ZAP70: variants seen among roughly 807,000 people sequenced by gnomAD.
The protein encoded by ZAP70 is tyrosine-protein kinase ZAP-70.
ZAP70 carries 27 observed loss-of-function variants against 65.8 expected under a neutral mutation model. That is an observed-to-expected ratio of 0.41 (90% CI 0.30 to 0.57). ZAP70 has a LOEUF of 0.57. Ranked by LOEUF, ZAP70 falls within the 20% of genes least tolerant of loss-of-function variation. The probability of loss-of-function intolerance (pLI) is 0.28; values close to 1 mark genes in which losing one functional copy is unlikely to be tolerated. For missense variants in ZAP70, 696 were observed against 870.5 expected (o/e 0.80, Z 2.52); for synonymous variants, 363 against 360.8 (o/e 1.01, Z -0.07).
At chr2:97,740,617 C>G (rs1466145941), downstream of ZAP70, among the ~76,000 whole-genome samples, 2 of 152,186 alleles carry the variant, frequency 1.3e-5, no homozygotes, top group Admixed American at 1.3e-4. Context: ...ATTGGGAACG[C>G]TAACAGACCC....
intron 3 of ZAP70, 36 bp from the exon 4 acceptor site, chr2:97,725,056 C>A: frequency 6.2e-7 from 1 of 1,612,172 alleles, no homozygotes; most frequent in Non-Finnish European, 8.5e-7. Flanking sequence ...GAGCACTTGG[C>A]CACACCTACA....
chr2:97,724,624 G>A (rs1238153412), intron 3 of ZAP70, 186 bp downstream of exon 3: 1 of 1,533,342 alleles, frequency 6.5e-7, no homozygotes. Context: ...GGGCTCCGTG[G>A]TGGCGGTCGC....
chr2:97,756,170 A>AACAC, the ZAP70 span, among the ~76,000 whole-genome samples: 3 of 151,840 alleles, frequency 2.0e-5, no homozygotes, highest in Admixed American at 2.0e-4. Flanking sequence ...TTGCCATGGG[A>AACAC]ACACACAGAA....
chr2:97,750,480 CTGTT>C, the ZAP70 span, among the ~76,000 whole-genome samples: 1 of 152,168 alleles, frequency 6.6e-6, no homozygotes, highest in Non-Finnish European at 1.5e-5. Flanking sequence ...TTTTTCCTGT[CTGTT>C]GTAAAGCGAG....
rs779549199 is a variant in ZAP70, at chr2:97,737,457, T to C, written c.1290-16T>C. The C allele has an allele frequency of 9.9e-6, 16 of 1,613,774 alleles. No individual in the cohort carries two copies. The African/African-American group carries it at 2.1e-4, about 22-fold the overall frequency. ...TAGTCTTCTCCCAGCTGACCCCGCCTTCCCCGCCACCCCAGGGAGGAGATC... is the reference window on the plus strand; with the variant it reads ...TAGTCTTCTCCCAGCTGACCCCGCCCTCCCCGCCACCCCAGGGAGGAGATC... On this transcript the variant is annotated splice_polypyrimidine_tract_variant and intron_variant, in intron 10 of 13. Coordinates refer to ENST00000264972, the MANE Select transcript of ZAP70 (RefSeq NM_001079.4). The surrounding 1 kb of genome is among the most constrained non-coding windows in gnomAD (Gnocchi z 5.0).
chr2:97,738,179 C>CA lies in ZAP70; in HGVS notation c.1736+74dup, dbSNP rs1247017746. 3.6e-6 allele frequency: 5 copies of CA among 1,378,840 alleles called. No individual in the cohort carries two copies. The African/African-American group carries it at 5.7e-5, about 16-fold the overall frequency. The allele number at this position is 1,378,840 out of a possible 1,614,324, so 85.4% of individuals were successfully genotyped here. ...GTCCTGGTGCCCGATGAGTTGATGT[C>CA]AATATAACTCTACCCAATGTCATCT... On this transcript the variant is annotated intron_variant, in intron 13 of 13. Transcript: ENST00000264972.
At chr2:97,716,272 G>A (rs980058380) in intron 2 of ZAP70, among the ~76,000 whole-genome samples, 32 of 152,170 alleles carry the variant, frequency 2.1e-4, no homozygotes, top group African/African-American at 7.5e-4. Context: ...GGTTCCACCG[G>A]TGCTCAGAGG....
chr2:97,721,847 C>A (rs1014278146), intron 2 of ZAP70, among the ~76,000 whole-genome samples: 1 of 151,342 alleles, frequency 6.6e-6, no homozygotes, highest in Non-Finnish European at 1.5e-5. Flanking sequence ...GTGGCAGTGG[C>A]GCGATCTCAG....
intron 4 of ZAP70, among the ~76,000 whole-genome samples, chr2:97,728,621 T>C (rs986711698): frequency 2.0e-5 from 3 of 152,228 alleles, no homozygotes; most frequent in Non-Finnish European, 4.4e-5. Flanking sequence ...GAAGAACAGA[T>C]TTAATTGTAC....
downstream of ZAP70, among the ~76,000 whole-genome samples, chr2:97,742,175 C>G (rs1678147697): frequency 6.6e-6 from 1 of 152,184 alleles, no homozygotes; most frequent in African/African-American, 2.4e-5. Flanking sequence ...TCAGTAACAT[C>G]CTCTTTGTTT....
intron 4 of ZAP70, among the ~76,000 whole-genome samples, chr2:97,730,651 C>T (rs1295871935): frequency 1.3e-5 from 2 of 152,084 alleles, no homozygotes; most frequent in African/African-American, 4.8e-5. Context: ...AGGAGGAGGC[C>T]CCACCTATTG....
chr2:97,754,989 G>A, the ZAP70 span, among the ~76,000 whole-genome samples: 1 of 152,188 alleles, frequency 6.6e-6, no homozygotes, highest in Non-Finnish European at 1.5e-5. Context: ...GCAGAGAAAA[G>A]GTCAGGTTCA....
At chr2:97,726,594 AC>A (rs1280553052) in intron 4 of ZAP70, among the ~76,000 whole-genome samples, 1 of 152,328 alleles carries the variant, frequency 6.6e-6, no homozygotes, top group Admixed American at 6.5e-5. Flanking sequence ...GATTTTCCTC[AC>A]CCATGTGAAG....
At chr2:97,727,622 A>C (rs1173222759) in intron 4 of ZAP70, among the ~76,000 whole-genome samples, 2 of 152,212 alleles carry the variant, frequency 1.3e-5, no homozygotes, top group Admixed American at 6.5e-5. Context: ...AGAAGGCTCT[A>C]AACCCTTCCT....
At chr2:97,742,755 C>T (rs555505591), downstream of ZAP70, among the ~76,000 whole-genome samples, 2 of 152,330 alleles carry the variant, frequency 1.3e-5, no homozygotes, top group African/African-American at 4.8e-5. Context: ...ATTCTCAAAA[C>T]ATCTGCCTGG....
intron 2 of ZAP70, among the ~76,000 whole-genome samples, chr2:97,722,672 C>T (rs1382577104): frequency 6.6e-6 from 1 of 152,214 alleles, no homozygotes; most frequent in East Asian, 1.9e-4. Context: ...AGGAACCTAA[C>T]TCTGTATTTC....
At position 97,726,409 on chromosome 2, in the gene ZAP70, A is replaced by G. The variant is rs1303693035; in HGVS notation, c.563+1157A>G. The stretch of plus-strand genomic sequence containing the variant: ...GGTGCTGCCTCTTTCCCATGACCTC[A>G]GGAAGCCCAGTGTTTTCCCCCAAGA... On this transcript the variant is annotated intron_variant, in intron 4 of 13. Transcript: ENST00000264972. Among the ~76,000 whole-genome samples the G allele has an allele frequency of 5.3e-5, 8 of 152,228 alleles. No individual in the cohort carries two copies. In the East Asian group the frequency reaches 7.7e-4, roughly 15 times the overall value.
intron 2 of ZAP70, among the ~76,000 whole-genome samples, chr2:97,718,121 C>G (rs556076798): frequency 6.6e-6 from 1 of 152,146 alleles, no homozygotes; most frequent in East Asian, 1.9e-4. Flanking sequence ...GACTGAGGGA[C>G]GCGGCTCCTA....
In ZAP70 at chr2:97,715,779, C is replaced by G. The variant is rs73959786; in HGVS notation, c.-22+1785C>G. Among the ~76,000 whole-genome samples the G allele has an allele frequency of 0.13, 19,460 of 152,226 alleles. 1,969 individuals are homozygous for G. The highest frequency in any genetic ancestry group is 0.28 in the African/African-American group (11,480 of 41,492). Reference sequence around the variant, plus strand: ...AGCTGAGGAGTGGGATAACAGTTCCCACCAAATGTAGTTGTGGTGAGAATT... The same window carrying G: ...AGCTGAGGAGTGGGATAACAGTTCCGACCAAATGTAGTTGTGGTGAGAATT... On this transcript the variant is annotated intron_variant, in intron 2 of 13. Transcript: ENST00000264972. The surrounding 1 kb of genome is among the most constrained non-coding windows in gnomAD (Gnocchi z 4.1).
Sources: allele counts gnomAD v4.1 joint callset (sites outside exome capture counted in the v4.1 genomes callset), GRCh38; gene constraint gnomAD v4.1.1; non-coding constraint Gnocchi (gnomAD v3.1); transcripts MANE v1.5; gene names NCBI Gene and HGNC (gene_info 2026-07-23, HGNC 2026-07-21).